The following PUM1 variants were observed in gnomAD, a reference collection of about 807,000 sequenced individuals.
PUM1 encodes pumilio RNA binding family member 1, also known as pumilio homolog 1.
A neutral mutation model predicts 131.8 loss-of-function variants in PUM1; 13 were observed. The ratio of observed to expected loss-of-function variants is 0.10; its 90% CI spans 0.06 to 0.16. The LOEUF is 0.16. Ranked by LOEUF, PUM1 falls within the 10% of genes least tolerant of loss-of-function variation. PUM1 has a pLI of 1.00. For synonymous variants in PUM1, 509 were observed against 556.5 expected (o/e 0.91, Z 1.20); for missense variants, 961 against 1,512.4 (o/e 0.64, Z 6.05).
intron 2 of PUM1, among the ~76,000 whole-genome samples, chr1:31,047,721 T>C (rs986634373): frequency 3.3e-5 from 5 of 152,182 alleles, no homozygotes; most frequent in Non-Finnish European, 5.9e-5. Context: ...GGTGGGTGGA[T>C]CACCTGAGGT....
At chr1:30,999,606 C>CAAAAAAAAAAAAAAAAAAA (rs56936440) in intron 5 of PUM1, among the ~76,000 whole-genome samples, 1 of 53,980 alleles carries the variant, frequency 1.9e-5, no homozygotes, top group African/African-American at 6.9e-5. Flanking sequence ...GACTCTGTCT[C>CAAAAAAAAAAAAAAAAAAA]AAAAAAAAAA....
At chr1:31,015,522 T>C (rs1642782272) in intron 3 of PUM1, among the ~76,000 whole-genome samples, 3 of 151,832 alleles carry the variant, frequency 2.0e-5, no homozygotes, top group African/African-American at 7.3e-5. Context: ...TTTATATTTT[T>C]AGTAGAGACG....
intron 17 of PUM1, 61 bp downstream of exon 17, chr1:30,950,066 T>C (rs1639863531): frequency 1.3e-6 from 2 of 1,535,278 alleles, no homozygotes; most frequent in African/African-American, 2.8e-5. Context: ...ATTACAGGGT[T>C]CACTACATGT....
At chr1:30,969,121 T>C (rs1640754461) in intron 10 of PUM1, among the ~76,000 whole-genome samples, 1 of 151,728 alleles carries the variant, frequency 6.6e-6, no homozygotes, top group South Asian at 2.1e-4. Flanking sequence ...CTGGCCAACA[T>C]GGCAAAACCC....
chr1:31,061,687 G>A (rs910990602), intron 1 of PUM1: 1 of 152,086 alleles, frequency 6.6e-6, no homozygotes, highest in African/African-American at 2.4e-5. Flanking sequence ...AGTTGGGTGT[G>A]GTGGCTCATA....
intron 9 of PUM1, among the ~76,000 whole-genome samples, chr1:30,979,527 C>T (rs1641275012): frequency 6.6e-6 from 1 of 152,026 alleles, no homozygotes; most frequent in South Asian, 2.1e-4. Flanking sequence ...ACCCCCACCC[C>T]GACTCCAAGT....
chr1:31,041,278 T>C (rs1043470490), intron 2 of PUM1, among the ~76,000 whole-genome samples: 3 of 152,200 alleles, frequency 2.0e-5, no homozygotes, highest in Non-Finnish European at 4.4e-5. Context: ...GGTCTTGGTA[T>C]GTTGCCCCAG....
chr1:31,008,652 T>C (rs909550193), intron 3 of PUM1, among the ~76,000 whole-genome samples: 1 of 152,046 alleles, frequency 6.6e-6, no homozygotes, highest in Non-Finnish European at 1.5e-5. Context: ...ATTCTCTTTT[T>C]ATTGATGAAG....
intron 2 of PUM1, among the ~76,000 whole-genome samples, chr1:31,042,122 T>C (rs1012924315): frequency 5.3e-5 from 8 of 152,002 alleles, no homozygotes; most frequent in Non-Finnish European, 8.8e-5. Flanking sequence ...CTGGTCAACA[T>C]GGTTGGAACC....
At chr1:30,986,837 G>A (rs574244719) in intron 7 of PUM1, among the ~76,000 whole-genome samples, 1 of 152,276 alleles carries the variant, frequency 6.6e-6, no homozygotes, top group Non-Finnish European at 1.5e-5. Flanking sequence ...AGAGAAAGTT[G>A]AGCATATTAA....
At chr1:31,022,077 GAA>G (rs57578146) in intron 3 of PUM1, among the ~76,000 whole-genome samples, 2,440 of 139,882 alleles carry the variant, frequency 0.017, 69 homozygotes, top group African/African-American at 0.058. Flanking sequence ...TCCGAGCCTA[GAA>G]AAAAAAAAAA....
chr1:30,945,172 T>A (rs1639621270), intron 18 of PUM1, among the ~76,000 whole-genome samples, 174 bp downstream of exon 18: 1 of 152,048 alleles, frequency 6.6e-6, no homozygotes, highest in South Asian at 2.1e-4. Flanking sequence ...AGTTCAAGGC[T>A]GTAGTGAGCC....
At position 30,996,648 on chromosome 1, in the gene PUM1, G is replaced by A. The variant is rs531827246; in HGVS notation, c.721-1428C>T. The stretch of plus-strand genomic sequence containing the variant: ...CAAAACAGTAAACCACAGCTTTGAC[G>A]GCCATTGAGATGTGCCCTTCAGAAT... On this transcript the variant is annotated intron_variant, in intron 5 of 21. Transcript: ENST00000426105. Among the ~76,000 whole-genome samples the A allele has an allele frequency of 6.2e-4, 94 of 152,286 alleles. 3 individuals are homozygous for A. In the South Asian group the frequency reaches 0.016, roughly 27 times the overall value.
At chr1:31,058,507 C>T (rs1644296653) in intron 2 of PUM1, among the ~76,000 whole-genome samples, 1 of 151,298 alleles carries the variant, frequency 6.6e-6, no homozygotes, top group East Asian at 1.9e-4. Flanking sequence ...AAAAAAAATA[C>T]AAAAAATTAG....
intron 3 of PUM1, among the ~76,000 whole-genome samples, chr1:31,015,358 T>C (rs909742097): frequency 6.6e-5 from 10 of 152,254 alleles, no homozygotes; most frequent in South Asian, 6.2e-4. Context: ...TTTTTTTTTT[T>C]TGAGACGGAG....
intron 19 of PUM1, 81 bp downstream of exon 19, chr1:30,941,917 C>T (rs1450345275): frequency 7.4e-7 from 1 of 1,345,590 alleles, no homozygotes; most frequent in African/African-American, 1.5e-5. Context: ...TCTTCTGGAA[C>T]CTACACTGAC....
intron 17 of PUM1, among the ~76,000 whole-genome samples, chr1:30,948,112 T>C (rs1351083963): frequency 1.3e-5 from 2 of 152,024 alleles, no homozygotes; most frequent in Admixed American, 6.6e-5. Flanking sequence ...CCTCCCAAAG[T>C]GCTGGGATTA....
intron 7 of PUM1, among the ~76,000 whole-genome samples, chr1:30,990,929 T>C (rs781435036): frequency 2.6e-5 from 4 of 152,246 alleles, no homozygotes; most frequent in Non-Finnish European, 5.9e-5. Context: ...TCATGCTAAC[T>C]ACTTGTGGGT....
intron 7 of PUM1, among the ~76,000 whole-genome samples, chr1:30,991,587 A>G (rs558368629): frequency 5.3e-5 from 8 of 152,360 alleles, no homozygotes; most frequent in African/African-American, 1.9e-4. Context: ...TTAACGATCT[A>G]TTACAAAACT....
Sources: gnomAD v4.1 joint callset for allele counts (sites outside exome capture counted in the v4.1 genomes callset) on GRCh38, gnomAD v4.1.1 for gene constraint, MANE v1.5 for transcripts, NCBI Gene and HGNC (gene_info 2026-07-23, HGNC 2026-07-21) for gene names.